MIB2: variants seen among roughly 807,000 people sequenced by gnomAD.
MIB2 encodes E3 ubiquitin-protein ligase MIB2.
Under a neutral mutation model 96.6 loss-of-function variants are expected in MIB2, and 78 were observed. That is an observed-to-expected ratio of 0.81 (90% CI 0.67 to 0.97). The LOEUF is 0.97. Ranked by LOEUF, MIB2 falls within the 50% of genes least tolerant of loss-of-function variation. MIB2 has a pLI of 0.00. For missense variants in MIB2, 1,543 were observed against 1,424.0 expected, an observed-to-expected ratio of 1.08 and a Z score of -1.35; for synonymous variants, 820 against 629.5, an observed-to-expected ratio of 1.30 and a Z score of -4.53.
At chr1:1,624,356 G>T (rs1166288980) in intron 4 of MIB2, 3 of 380,216 alleles carry the variant, frequency 7.9e-6, no homozygotes, top group Non-Finnish European at 1.5e-5. Flanking sequence ...CTCCCTGCAC[G>T]TGGAGGGAGG....
intron 19 of MIB2, among the ~76,000 whole-genome samples, chr1:1,629,941 A>T (rs1226988492): frequency 1.1e-5 from 1 of 90,078 alleles, no homozygotes; most frequent in Non-Finnish European, 2.3e-5. Flanking sequence ...ATCACACCCC[A>T]GCCCCGCTGG....
chr1:1,616,733 G>A (rs1382775998), intron 2 of MIB2, 119 bp downstream of exon 2: 2 of 754,840 alleles, frequency 2.6e-6, no homozygotes, highest in South Asian at 1.7e-5. Flanking sequence ...GAGTGGAGGG[G>A]AGTGGTGAGT....
At chr1:1,628,836 G>A (rs1645074170) in intron 16 of MIB2, 114 bp downstream of exon 16, 2 of 984,248 alleles carry the variant, frequency 2.0e-6, no homozygotes, top group East Asian at 5.3e-5. Context: ...CAGGGAGCCA[G>A]GCGTTCTGGG....
At chr1:1,615,212 G>A (rs1214867823), upstream of MIB2, 12 of 656,284 alleles carry the variant, frequency 1.8e-5, no homozygotes, top group Non-Finnish European at 2.6e-5. Context: ...GATAGGGCCC[G>A]CACTGGTGGA....
At chr1:1,628,891 C>T in intron 16 of MIB2, 169 bp downstream of exon 16, 2 of 729,980 alleles carry the variant, frequency 2.7e-6, no homozygotes, top group Non-Finnish European at 2.2e-6. Context: ...CTTCAGCCTG[C>T]ACCCCTAGGC....
intron 2 of MIB2, chr1:1,617,930 T>C (rs1643898651): frequency 6.6e-6 from 1 of 152,254 alleles, no homozygotes; most frequent in Non-Finnish European, 1.5e-5. Context: ...AATTTCTGAC[T>C]GAGATGAAGA....
Position 1,623,594 on chromosome 1 carries a change from C to A in MIB2, c.142C>A (p.Pro48Thr), listed in dbSNP as rs1484533304. 25 of 1,507,074 alleles carry A rather than the reference C, an allele frequency of 1.7e-5. No homozygotes were observed. Among genetic ancestry groups the A allele is most frequent in the Non-Finnish European group, 2.1e-5 (24 of 1,127,880 alleles). 93.4% of individuals were successfully genotyped at this position (1,507,074 alleles called of 1,614,324 possible). A position where few individuals can be genotyped will look rare whatever the true frequency, so the allele number is the denominator to read the frequency against. Residue 48 changes from proline to threonine, a missense_variant, in exon 3 of 20, where the codon CCC becomes ACC. Coordinates refer to ENST00000355826, the MANE Select transcript of MIB2 (RefSeq NM_001170687.4). The part of the protein sequence containing the change: ...ELGRHGSPST[P>T]DRTVVVQWDQ... ...TGGCCGCCACGGCAGCCCCTCGACA[C>A]CCGACCGCACAGTGGTCGTGCAGTG...
chr1:1,625,100 T>TGTGGGCCACAAGGGCAAG lies in MIB2; in HGVS notation c.641_658dup (p.Gly214_Val219dup). Reference sequence around the variant, plus strand: ...CTGATGGTACCACCAATGTGTACCGTGTGGGCCACAAGGGCAAGGTGGACC... The same window carrying TGTGGGCCACAAGGGCAAG: ...CTGATGGTACCACCAATGTGTACCGTGTGGGCCACAAGGGCAAGGTGGGCCACAAGGGCAAGGTGGACC... On this transcript the variant is annotated inframe_insertion, in exon 6 of 20. Transcript: ENST00000355826. This position sits in a 1 kb window ranked among gnomAD's most constrained non-coding sequence, Gnocchi z 5.0. 1 of 1,613,318 alleles carries TGTGGGCCACAAGGGCAAG rather than the reference T, an allele frequency of 6.2e-7. No individual in the cohort carries two copies. Among genetic ancestry groups the TGTGGGCCACAAGGGCAAG allele is most frequent in the Non-Finnish European group, 8.5e-7 (1 of 1,179,958 alleles).
At chr1:1,624,353 C>G in intron 4 of MIB2, 1 of 381,430 alleles carries the variant, frequency 2.6e-6, no homozygotes, top group South Asian at 2.6e-5. Context: ...GCCCTCCCTG[C>G]ACGTGGAGGG....
chr1:1,616,592 C>T lies in MIB2; in HGVS notation c.-45C>T, dbSNP rs1570463551. ...GCCCAGGAGCCTCAAGGCGGCCCGG[C>T]GGGCGACTGGACGGCCGGACAGGTG... On this transcript the variant is annotated 5_prime_UTR_variant, in exon 2 of 20. Transcript: ENST00000355826. The T allele has an allele frequency of 1.3e-6, 2 of 1,599,482 alleles. No homozygotes were observed. The highest frequency in any genetic ancestry group is 1.7e-6 in the Non-Finnish European group (2 of 1,173,228).
In MIB2 at chr1:1,625,538, C is replaced by T. The variant is rs778698947; in HGVS notation, c.865-8C>T. ...CCGACCCAGCCACAGCTCCATGACC[C>T]GCCACAGTTTATCGGACAGACGGGC... is the stretch of plus-strand genomic sequence containing the variant. On this transcript the variant is annotated splice_polypyrimidine_tract_variant and splice_region_variant and intron_variant, in intron 7 of 19. Coordinates refer to ENST00000355826, the MANE Select transcript of MIB2 (RefSeq NM_001170687.4). This position sits in a 1 kb window ranked among gnomAD's most constrained non-coding sequence, Gnocchi z 5.0. The T allele has an allele frequency of 1.6e-5, 25 of 1,569,568 alleles. No individual in the cohort carries two copies. Among genetic ancestry groups the T allele is most frequent in the Non-Finnish European group, 2.2e-5 (25 of 1,157,148 alleles).
Position 1,623,210 on chromosome 1 carries a change from C to T in MIB2, c.-22-221C>T, listed in dbSNP as rs917794099. On this transcript the variant is annotated intron_variant, in intron 2 of 19. Coordinates refer to ENST00000355826, the MANE Select transcript of MIB2 (RefSeq NM_001170687.4). ...GGCCCAGACCACCCTGCAGTTCCCG[C>T]GCCAGGCTGGCACGGCGCCCGCCTT... 1.1e-4 allele frequency: 78 copies of T among 721,310 alleles called. 1 individual carries two copies. The highest frequency in any genetic ancestry group is 8.1e-4 in the Middle Eastern group (2 of 2,480). The allele number at this position is 721,310 out of a possible 1,614,324, so 44.7% of individuals were successfully genotyped here. A position where few individuals can be genotyped will look rare whatever the true frequency, so the allele number is the denominator to read the frequency against.
intron 1 of MIB2, chr1:1,616,182 G>A (rs1643634585): frequency 3.5e-6 from 3 of 869,396 alleles, no homozygotes; most frequent in Non-Finnish European, 4.1e-6. Context: ...GACAGGGGGC[G>A]GGGCGCGCTC....
In MIB2 at chr1:1,623,130, A is replaced by G. The variant is rs1048834500; in HGVS notation, c.-22-301A>G. 6.1e-6 allele frequency: 3 copies of G among 491,352 alleles called. No homozygotes were observed. In the African/African-American group the frequency reaches 6.2e-5, roughly 10 times the overall value. 30.4% of individuals were successfully genotyped at this position (491,352 alleles called of 1,614,324 possible). ...GAAGAGATGGTGGTTTTCTTCCGAG[A>G]GCGTTATTTGTGAACCTTTCATGAA... is the stretch of plus-strand genomic sequence containing the variant. On this transcript the variant is annotated intron_variant, in intron 2 of 19. Coordinates refer to ENST00000355826, the MANE Select transcript of MIB2 (RefSeq NM_001170687.4).
rs763099461 is a variant in MIB2 at position 1,623,574 on chromosome 1, G to T, written c.122G>T (p.Arg41Leu). ...GTGGGCACGGTGGTGGAGCTTGGCC[G>T]CCACGGCAGCCCCTCGACACCCGAC... ...GGVGTVVELGRHGSPSTPDRT... is the reference protein window; with the variant it reads ...GGVGTVVELGLHGSPSTPDRT... Residue 41 changes from arginine to leucine, a missense_variant, in exon 3 of 20, where the codon CGC (arginine) becomes CTC (leucine). Physicochemically the swap from Arg to Leu is moderately radical, Grantham distance 102. Coordinates refer to ENST00000355826, the MANE Select transcript of MIB2 (RefSeq NM_001170687.4). The T allele has an allele frequency of 7.9e-6, 12 of 1,515,842 alleles. No homozygotes were observed. The highest frequency in any genetic ancestry group is 1.1e-5 in the Non-Finnish European group (12 of 1,132,782). The allele number at this position is 1,515,842 out of a possible 1,614,324, so 93.9% of individuals were successfully genotyped here. A position where few individuals can be genotyped will look rare whatever the true frequency, so the allele number is the denominator to read the frequency against.
rs1389433864 is a variant in MIB2 at position 1,630,310 on chromosome 1, G to A, written c.2648G>A (p.Ser883Asn). 1.3e-6 allele frequency: 2 copies of A among 1,524,738 alleles called. No homozygotes were observed. The highest frequency in any genetic ancestry group is 1.8e-6 in the Non-Finnish European group (2 of 1,141,952). 94.5% of individuals were successfully genotyped at this position (1,524,738 alleles called of 1,614,324 possible). A position where few individuals can be genotyped will look rare whatever the true frequency, so the allele number is the denominator to read the frequency against. The change falls in exon 20 of 20, where the codon AGC becomes AAC. Residue 883 changes from serine to asparagine, a missense_variant. Physicochemically the swap from Ser to Asn is conservative, Grantham distance 46. Coordinates refer to ENST00000355826, the MANE Select transcript of MIB2 (RefSeq NM_001170687.4). ...KLRPDGSEVASAAPAPGPPRQ... is the reference protein window; with the variant it reads ...KLRPDGSEVANAAPAPGPPRQ... ...CCCGCAGACGGCTCTGAGGTGGCGA[G>A]CGCCGCCCCCGCCCCCGGCCCGCCG...
Position 1,626,859 on chromosome 1 carries a change from T to A in MIB2, c.1100T>A (p.Val367Glu), listed in dbSNP as rs758381540. The A allele has an allele frequency of 6.3e-7, 1 of 1,597,794 alleles. No homozygotes were observed. Among genetic ancestry groups the A allele is most frequent in the South Asian group, 1.1e-5 (1 of 90,690 alleles). ...CAGGCCCTGGGCCGCGTCGGGAAGG[T>A]GGTGAAAGTGTTTGGAGACGGGAAC... ...MAPALGRVGK[V>E]VKVFGDGNLR... The change falls in exon 10 of 20, where the codon GTG becomes GAG. Residue 367 changes from valine (V) to glutamate (E), a missense_variant. By Grantham distance (121) the Val-to-Glu change is moderately radical. Coordinates refer to ENST00000355826, the MANE Select transcript of MIB2 (RefSeq NM_001170687.4). The surrounding 1 kb of genome is among the most constrained non-coding windows in gnomAD (Gnocchi z 5.3).
In MIB2 at chr1:1,623,905, G is replaced by C. The variant is rs367987171; in HGVS notation, c.379G>C (p.Ala127Pro). 3 of 1,612,004 alleles carry C rather than the reference G, an allele frequency of 1.9e-6. No homozygotes were observed. The highest frequency in any genetic ancestry group is 2.5e-6 in the Non-Finnish European group (3 of 1,179,452). The stretch of plus-strand genomic sequence containing the variant: ...CTACATGCACAACAAGCATGAGCTC[G>C]CCCACGCCTTCGACCGCTACGAGAC... ...QCYMHNKHEL[A>P]HAFDRYETAH... is the part of the protein sequence containing the mutation. Residue 127 changes from alanine (A) to proline (P), a missense_variant, in exon 4 of 20, where the codon GCC becomes CCC. Transcript: ENST00000355826.
At chr1:1,624,206 G>A (rs745334237) in intron 4 of MIB2, 28 of 531,778 alleles carry the variant, frequency 5.3e-5, no homozygotes, top group South Asian at 1.9e-4. Flanking sequence ...GCCCATACCC[G>A]GAGCCAGCAC....
Sources: gnomAD v4.1 joint callset for allele counts (sites outside exome capture counted in the v4.1 genomes callset) on GRCh38, gnomAD v4.1.1 for gene constraint, Gnocchi (gnomAD v3.1) non-coding constraint, MANE v1.5 for transcripts, NCBI Gene and HGNC (gene_info 2026-07-23, HGNC 2026-07-21) for gene names.